Variants in RAPGEF2 observed in about 807,000 individuals in gnomAD.
RAPGEF2 encodes Rap guanine nucleotide exchange factor 2.
RAPGEF2 carries 54 observed loss-of-function variants against 186.7 expected under a neutral mutation model. The ratio of observed to expected loss-of-function variants is 0.29; its 90% confidence interval spans 0.23 to 0.36. The LOEUF is 0.36. Ranked by LOEUF, RAPGEF2 falls within the 10% of genes least tolerant of loss-of-function variation. The pLI, the probability that RAPGEF2 is intolerant of heterozygous loss-of-function variation, is 1.00. For synonymous variants in RAPGEF2, 712 were observed against 705.9 expected, an observed-to-expected ratio of 1.01 and a Z score of -0.14; for missense variants, 1,532 against 2,045.0, an observed-to-expected ratio of 0.75 and a Z score of 4.84.
At chr4:159,124,630 G>A (rs1013401126) in intron 1 of RAPGEF2, among the ~76,000 whole-genome samples, 1 of 152,148 alleles carries the variant, frequency 6.6e-6, no homozygotes, top group Admixed American at 6.5e-5. Context: ...GAATGAAGAG[G>A]AAGAGACTTA....
intron 1 of RAPGEF2, among the ~76,000 whole-genome samples, chr4:159,105,745 C>T (rs969664947): frequency 2.0e-5 from 3 of 152,146 alleles, no homozygotes; most frequent in Non-Finnish European, 4.4e-5. Flanking sequence ...ATGCACATTC[C>T]CTGTCTCAGT....
At chr4:159,242,910 T>A (rs1032434121) in intron 6 of RAPGEF2, among the ~76,000 whole-genome samples, 2 of 151,978 alleles carry the variant, frequency 1.3e-5, no homozygotes, top group Non-Finnish European at 2.9e-5. Flanking sequence ...GGAGTATGGA[T>A]TATTTAAAAT....
At chr4:159,196,442 A>G (rs572624534) in intron 3 of RAPGEF2, among the ~76,000 whole-genome samples, 1 of 152,340 alleles carries the variant, frequency 6.6e-6, no homozygotes, top group East Asian at 1.9e-4. Flanking sequence ...TTTTATGACC[A>G]AGAAATGAGT....
chr4:159,355,288 A>T (rs1163285597), intron 28 of RAPGEF2, among the ~76,000 whole-genome samples: 9 of 152,232 alleles, frequency 5.9e-5, no homozygotes, highest in Admixed American at 5.9e-4. Flanking sequence ...TAGAATTTTT[A>T]AATTGGTATC....
At chr4:159,321,253 A>G (rs1002022868) in intron 9 of RAPGEF2, among the ~76,000 whole-genome samples, 1 of 145,290 alleles carries the variant, frequency 6.9e-6, no homozygotes, top group African/African-American at 2.6e-5. Context: ...TTCACCCATT[A>G]TGGAGTACAT....
At chr4:159,300,192 C>T (rs1762485459) in intron 7 of RAPGEF2, among the ~76,000 whole-genome samples, 1 of 148,506 alleles carries the variant, frequency 6.7e-6, no homozygotes, top group South Asian at 2.1e-4. Context: ...ATGCATAAAC[C>T]TAAAATTAAT....
intron 8 of RAPGEF2, among the ~76,000 whole-genome samples, chr4:159,308,892 A>G (rs893802884): frequency 8.5e-5 from 13 of 152,144 alleles, no homozygotes; most frequent in Non-Finnish European, 1.3e-4. Context: ...TGGCAGGTAG[A>G]GAGTTTTAAG....
At chr4:159,191,693 C>T (rs747195221) in intron 2 of RAPGEF2, among the ~76,000 whole-genome samples, 13 of 152,020 alleles carry the variant, frequency 8.6e-5, no homozygotes, top group Non-Finnish European at 1.8e-4. Flanking sequence ...GAGCTGAGAT[C>T]GCGCCATGGC....
chr4:159,296,710 G>A (rs1225904522), intron 7 of RAPGEF2, among the ~76,000 whole-genome samples: 5 of 152,190 alleles, frequency 3.3e-5, no homozygotes, highest in African/African-American at 1.2e-4. Flanking sequence ...AGTAACTGGT[G>A]TACAGGTGAT....
chr4:159,137,157 A>C (rs1741804018), intron 1 of RAPGEF2, among the ~76,000 whole-genome samples: 1 of 152,236 alleles, frequency 6.6e-6, no homozygotes, highest in South Asian at 2.1e-4. Flanking sequence ...TTACTGTATT[A>C]GTCCATTTGG....
intron 1 of RAPGEF2, among the ~76,000 whole-genome samples, chr4:159,137,363 TAGG>T (rs1741829670): frequency 6.6e-6 from 1 of 152,152 alleles, no homozygotes; most frequent in Non-Finnish European, 1.5e-5. Context: ...AGGGGAAATG[TAGG>T]AGGAGCAGAG....
At chr4:159,290,157 C>T (rs1239314710) in intron 7 of RAPGEF2, among the ~76,000 whole-genome samples, 1 of 152,188 alleles carries the variant, frequency 6.6e-6, no homozygotes, top group Admixed American at 6.5e-5. Context: ...AGTGGCACCA[C>T]AGTGAAGTGG....
intron 1 of RAPGEF2, among the ~76,000 whole-genome samples, chr4:159,108,001 CTG>C (rs1233452120): frequency 8.5e-5 from 13 of 152,116 alleles, no homozygotes; most frequent in African/African-American, 3.1e-4. Flanking sequence ...ACTAAACTAT[CTG>C]TATGCCATTT....
chr4:159,186,539 A>G (rs1747573522), intron 1 of RAPGEF2, 103 bp from the exon 2 acceptor site: 1 of 509,334 alleles, frequency 2.0e-6, no homozygotes, highest in Non-Finnish European at 3.3e-6. Flanking sequence ...ATTTTTAAAA[A>G]AGCTATCCAT....
intron 7 of RAPGEF2, among the ~76,000 whole-genome samples, chr4:159,273,874 C>T (rs979062774): frequency 1.3e-5 from 2 of 151,930 alleles, no homozygotes; most frequent in Non-Finnish European, 2.9e-5. Flanking sequence ...CTCACTGCTA[C>T]CTCCATCTCC....
At chr4:159,285,665 C>G (rs969760927) in intron 7 of RAPGEF2, among the ~76,000 whole-genome samples, 2 of 152,128 alleles carry the variant, frequency 1.3e-5, no homozygotes, top group Non-Finnish European at 2.9e-5. Flanking sequence ...ATGTATGTAA[C>G]TATTTTAAGT....
intron 7 of RAPGEF2, among the ~76,000 whole-genome samples, chr4:159,245,288 T>C (rs1754499911): frequency 1.3e-5 from 2 of 152,084 alleles, no homozygotes; most frequent in Admixed American, 1.3e-4. Flanking sequence ...AATAGCATTT[T>C]AAAATGCAGT....
intron 7 of RAPGEF2, among the ~76,000 whole-genome samples, chr4:159,273,671 TTTCTTTCTTTCTTTC>T (rs1579710412): frequency 6.6e-6 from 1 of 150,634 alleles, no homozygotes; most frequent in Non-Finnish European, 1.5e-5. Flanking sequence ...TCTTTCTTTC[TTTCTTTCTTTCTTTC>T]TTTCTTTCTT....
chr4:159,218,288 GGGAAAAA>G (rs1751173078), intron 4 of RAPGEF2, among the ~76,000 whole-genome samples: 4 of 151,898 alleles, frequency 2.6e-5, no homozygotes, highest in African/African-American at 7.3e-5. Flanking sequence ...AGGAATGGAG[GGGAAAAA>G]GGAAAAACTA....
Sources: allele counts gnomAD v4.1 joint callset (sites outside exome capture counted in the v4.1 genomes callset), GRCh38; gene constraint gnomAD v4.1.1; transcripts MANE v1.5; gene names NCBI Gene and HGNC (gene_info 2026-07-23, HGNC 2026-07-21).